Variants in WWOX observed in about 807,000 individuals in gnomAD.
WWOX encodes the protein WW domain containing oxidoreductase.
A neutral mutation model predicts 46.2 loss-of-function variants in WWOX; 69 were observed. That is an observed-to-expected ratio of 1.49 (90% CI 1.23 to 1.82). The LOEUF (loss-of-function observed/expected upper bound fraction) is 1.82, where lower values mean the gene tolerates loss of function less well. WWOX is among the 40% of genes most tolerant of loss of function. The pLI is 0.00. For missense variants in WWOX, 919 were observed against 542.6 expected, an observed-to-expected ratio of 1.69 and a Z score of -6.89; for synonymous variants, 359 against 202.6, an observed-to-expected ratio of 1.77 and a Z score of -6.56.
At chr16:78,905,550 T>A (rs1368378583) in intron 8 of WWOX, among the ~76,000 whole-genome samples, 1 of 151,970 alleles carries the variant, frequency 6.6e-6, no homozygotes, top group East Asian at 1.9e-4. Flanking sequence ...CCTAGTTAAT[T>A]TTTTATTTTT....
chr16:78,580,288 G>T (rs1256869607), intron 8 of WWOX, among the ~76,000 whole-genome samples: 3 of 152,092 alleles, frequency 2.0e-5, no homozygotes, highest in African/African-American at 7.2e-5. Flanking sequence ...TGCCCAGGCT[G>T]ACCTCAAACT....
intron 5 of WWOX, among the ~76,000 whole-genome samples, chr16:78,298,000 G>A (rs1042964630): frequency 1.2e-4 from 18 of 152,142 alleles, no homozygotes; most frequent in African/African-American, 3.6e-4. Flanking sequence ...CTGTGAGTGA[G>A]TTCTCATGAG....
intron 8 of WWOX, among the ~76,000 whole-genome samples, chr16:79,013,040 G>C (rs369785422): frequency 1.3e-5 from 2 of 152,202 alleles, no homozygotes; most frequent in East Asian, 1.9e-4. Context: ...CTGCATGTCA[G>C]CCTGAGCAAC....
intron 6 of WWOX, among the ~76,000 whole-genome samples, chr16:78,402,586 G>A (rs2082439229): frequency 1.3e-5 from 2 of 152,114 alleles, no homozygotes; most frequent in South Asian, 4.1e-4. Context: ...AGCCCCTCTT[G>A]AAGGAGAGTT....
chr16:78,879,680 C>G (rs753983965), intron 8 of WWOX, among the ~76,000 whole-genome samples: 1 of 152,008 alleles, frequency 6.6e-6, no homozygotes, highest in Non-Finnish European at 1.5e-5. Context: ...GAGTTCGAGA[C>G]CAGTCTGATC....
At chr16:78,412,853 C>A (rs370876490) in intron 6 of WWOX, among the ~76,000 whole-genome samples, 2 of 152,126 alleles carry the variant, frequency 1.3e-5, no homozygotes, top group African/African-American at 4.8e-5. Context: ...AACTATAGAC[C>A]ATAAATGGGA....
chr16:78,949,586 A>T (rs185582876), intron 8 of WWOX, among the ~76,000 whole-genome samples: 1 of 152,212 alleles, frequency 6.6e-6, no homozygotes, highest in Non-Finnish European at 1.5e-5. Context: ...GTCATGCTGT[A>T]CTACTTTTAA....
At chr16:79,102,275 G>A (rs367727644) in intron 8 of WWOX, among the ~76,000 whole-genome samples, 13 of 152,148 alleles carry the variant, frequency 8.5e-5, no homozygotes, top group Non-Finnish European at 1.5e-4. Context: ...TTGGGTCAGC[G>A]TCTTGTGACT....
At chr16:78,740,408 C>T (rs146243155) in intron 8 of WWOX, among the ~76,000 whole-genome samples, 2 of 152,264 alleles carry the variant, frequency 1.3e-5, no homozygotes, top group East Asian at 1.9e-4. Context: ...ATAGGGTTGG[C>T]AGCGTCCTTT....
intron 8 of WWOX, among the ~76,000 whole-genome samples, chr16:78,970,025 T>TA (rs36106241): frequency 0.047 from 7,132 of 152,240 alleles, 215 homozygotes; most frequent in Non-Finnish European, 0.072. Flanking sequence ...ACAAAGCTGT[T>TA]AAAAAATTGT....
chr16:78,657,932 T>G (rs548011546), intron 8 of WWOX, among the ~76,000 whole-genome samples: 1 of 152,260 alleles, frequency 6.6e-6, no homozygotes, highest in African/African-American at 2.4e-5. Flanking sequence ...CTCAATAAAT[T>G]ACTTTTGTTC....
chr16:78,290,048 AC>A (rs2079834587), intron 5 of WWOX, among the ~76,000 whole-genome samples: 43 of 152,324 alleles, frequency 2.8e-4, no homozygotes, highest in Middle Eastern at 3.4e-3. Context: ...TCATGTGCAC[AC>A]ACACACTTTT....
chr16:78,214,335 A>G (rs2036651017), intron 5 of WWOX, among the ~76,000 whole-genome samples: 1 of 44,292 alleles, frequency 2.3e-5, no homozygotes, highest in Admixed American at 2.3e-4. Context: ...CTCATCTGTA[A>G]AAGGTGTTGG....
chr16:79,183,732 A>T (rs1248656875), intron 8 of WWOX, among the ~76,000 whole-genome samples: 1 of 152,174 alleles, frequency 6.6e-6, no homozygotes, highest in Non-Finnish European at 1.5e-5. Flanking sequence ...CTACTATTGC[A>T]CCCACTCTAC....
intron 8 of WWOX, among the ~76,000 whole-genome samples, chr16:79,039,289 C>G (rs1368341725): frequency 6.6e-6 from 1 of 152,196 alleles, no homozygotes; most frequent in East Asian, 1.9e-4. Context: ...CCTCTCTGCG[C>G]CCTTGGATTG....
At chr16:79,099,393 C>T (rs533968114) in intron 8 of WWOX, among the ~76,000 whole-genome samples, 114 of 152,244 alleles carry the variant, frequency 7.5e-4, no homozygotes, top group South Asian at 2.5e-3. Context: ...GCCTTACTGC[C>T]GGGGAGACCA....
intron 1 of WWOX, among the ~76,000 whole-genome samples, chr16:78,107,064 G>A (rs183252639): frequency 5.3e-5 from 8 of 152,338 alleles, no homozygotes; most frequent in Admixed American, 5.2e-4. Context: ...GAAAATTCGT[G>A]CTCTCTGTAT....
chr16:78,170,000 G>A (rs1301758654), intron 5 of WWOX, among the ~76,000 whole-genome samples: 1 of 152,164 alleles, frequency 6.6e-6, no homozygotes. Context: ...TGGTCAGAGA[G>A]GGCTGGTATG....
At chr16:78,267,367 A>C (rs1156877948) in intron 5 of WWOX, among the ~76,000 whole-genome samples, 2 of 152,276 alleles carry the variant, frequency 1.3e-5, no homozygotes, top group East Asian at 1.9e-4. Context: ...ATAATTAAGA[A>C]ATAAAAATGA....
Sources: gnomAD v4.1 joint callset for allele counts (sites outside exome capture counted in the v4.1 genomes callset) on GRCh38, gnomAD v4.1.1 for gene constraint, MANE v1.5 for transcripts, NCBI Gene and HGNC (gene_info 2026-07-23, HGNC 2026-07-21) for gene names.